The following PDZD9 variants were observed in gnomAD, a reference collection of about 807,000 sequenced individuals.
PDZD9 encodes the protein PDZ domain containing 9.
Under a neutral mutation model 16.3 loss-of-function variants are expected in PDZD9, and 13 were observed. The observed-to-expected ratio is 0.80, with a 90% CI of 0.52 to 1.27. The LOEUF is 1.27. Among genes scored for constraint, PDZD9 ranks in the 50% most tolerant of loss-of-function variants. PDZD9 has a pLI of 0.00. For missense variants in PDZD9, 288 were observed against 310.9 expected, an observed-to-expected ratio of 0.93 and a Z score of 0.55; for synonymous variants, 120 against 111.0, an observed-to-expected ratio of 1.08 and a Z score of -0.51.
At chr16:21,995,625 T>C (rs1567489583) in intron 2 of PDZD9, among the ~76,000 whole-genome samples, 2 of 151,772 alleles carry the variant, frequency 1.3e-5, no homozygotes, top group Non-Finnish European at 2.9e-5. Context: ...TGAGACAGAG[T>C]CTCACTCTGT....
the PDZD9 span, among the ~76,000 whole-genome samples, chr16:21,965,183 T>A: frequency 6.6e-6 from 1 of 152,224 alleles, no homozygotes; most frequent in African/African-American, 2.4e-5. Context: ...GACTCCAGTA[T>A]ATAGAAGCTG....
At chr16:21,987,359 G>A (rs561739186) in intron 3 of PDZD9, among the ~76,000 whole-genome samples, 1 of 152,118 alleles carries the variant, frequency 6.6e-6, no homozygotes, top group Non-Finnish European at 1.5e-5. Context: ...GGCAGAGGTT[G>A]CAGTGAGCCA....
downstream of PDZD9, among the ~76,000 whole-genome samples, chr16:21,979,306 C>T (rs1898658475): frequency 6.6e-6 from 1 of 152,170 alleles, no homozygotes; most frequent in South Asian, 2.1e-4. Flanking sequence ...TATAATTTTT[C>T]AACTTGACTA....
the PDZD9 span, among the ~76,000 whole-genome samples, chr16:21,964,870 C>T: frequency 6.6e-6 from 1 of 152,154 alleles, no homozygotes; most frequent in Admixed American, 6.5e-5. Flanking sequence ...AGGTAATGAG[C>T]AACTGAAGGA....
chr16:21,967,389 A>G, the PDZD9 span, among the ~76,000 whole-genome samples: 1 of 151,748 alleles, frequency 6.6e-6, no homozygotes, highest in South Asian at 2.1e-4. Context: ...AATACCACAG[A>G]TAGAGTTTAT....
chr16:21,978,975 C>T (rs2141947802), downstream of PDZD9, among the ~76,000 whole-genome samples: 1 of 152,194 alleles, frequency 6.6e-6, no homozygotes, highest in African/African-American at 2.4e-5. Flanking sequence ...TGCCAAAACT[C>T]ACAGGTAATA....
intron 2 of PDZD9, among the ~76,000 whole-genome samples, chr16:21,990,779 A>T (rs931423675): frequency 6.6e-6 from 1 of 152,352 alleles, no homozygotes; most frequent in East Asian, 1.9e-4. Context: ...TGTGACTTTT[A>T]TCAAGAGGGC....
the PDZD9 span, among the ~76,000 whole-genome samples, chr16:21,969,793 A>G: frequency 2.3e-4 from 35 of 152,026 alleles, no homozygotes; most frequent in African/African-American, 6.7e-4. Flanking sequence ...TCATCCCCCC[A>G]AAAGCCCCAT....
At chr16:22,000,372 C>T (rs1214503385) in intron 1 of PDZD9, among the ~76,000 whole-genome samples, 1 of 138,562 alleles carries the variant, frequency 7.2e-6, no homozygotes, top group Non-Finnish European at 1.5e-5. Context: ...AAAAAAAAAA[C>T]GCTGTAAAAA....
chr16:22,001,018 T>A lies in PDZD9; in HGVS notation c.30A>T (p.Lys10Asn), dbSNP rs1477366316. The change falls in exon 1 of 4, where the codon AAA (lysine) becomes AAT (asparagine). Residue 10 changes from lysine to asparagine, a missense_variant and splice_region_variant. Physicochemically the swap from Lys to Asn is moderately conservative, Grantham distance 94 (BLOSUM62 0). Transcript: ENST00000424898. ...ACCCGCTTCCTTCTCCCCAGTTACCTTTTTTGTTTTTGTGGGAGGCCTTCT... is the reference window on the plus strand; with the variant it reads ...ACCCGCTTCCTTCTCCCCAGTTACCATTTTTGTTTTTGTGGGAGGCCTTCT... MQKASHKNK[K>N]ERGVSNKVKT... is the part of the protein sequence containing the mutation. The A allele has an allele frequency of 2.6e-6, 4 of 1,532,316 alleles. No homozygotes were observed. The highest frequency in any genetic ancestry group is 1.4e-5 in the African/African-American group (1 of 72,872). The allele number at this position is 1,532,316 out of a possible 1,614,324, so 94.9% of individuals were successfully genotyped here.
At chr16:21,975,867 G>C in the PDZD9 span, among the ~76,000 whole-genome samples, 1 of 152,114 alleles carries the variant, frequency 6.6e-6, no homozygotes, top group African/African-American at 2.4e-5. Flanking sequence ...AAGGTGGGAG[G>C]ATCACTTGAG....
At chr16:21,995,757 C>G (rs901232230) in intron 2 of PDZD9, among the ~76,000 whole-genome samples, 1 of 151,920 alleles carries the variant, frequency 6.6e-6, no homozygotes, top group Non-Finnish European at 1.5e-5. Flanking sequence ...GCCACTAGGC[C>G]CAGCTAATTT....
chr16:21,958,594 A>G, the PDZD9 span: 8 of 1,611,740 alleles, frequency 5.0e-6, no homozygotes, highest in Middle Eastern at 1.6e-4. Flanking sequence ...TTGGTGGCAA[A>G]TTAAGGTTTG....
At chr16:21,972,126 A>C in the PDZD9 span, 1 of 1,611,350 alleles carries the variant, frequency 6.2e-7, no homozygotes, top group East Asian at 2.2e-5. Context: ...ATTTGATGTG[A>C]GTCTGAACAG....
chr16:21,969,749 A>G, the PDZD9 span, among the ~76,000 whole-genome samples: 9 of 152,158 alleles, frequency 5.9e-5, no homozygotes, highest in East Asian at 1.9e-4. Flanking sequence ...AACAGATTCA[A>G]CTATTACCAC....
the PDZD9 span, chr16:21,968,817 A>T: frequency 1.3e-5 from 8 of 630,612 alleles, no homozygotes; most frequent in African/African-American, 3.8e-5. Flanking sequence ...CAGGCAATAT[A>T]TCATAGGATT....
In PDZD9 at chr16:22,001,097, G is replaced by C. The variant is rs1202627517; in HGVS notation, c.-50C>G. 6.8e-7 allele frequency: 1 copy of C among 1,476,566 alleles called. No individual in the cohort carries two copies. The highest frequency in any genetic ancestry group is 2.4e-5 in the Admixed American group (1 of 42,472). 91.5% of individuals were successfully genotyped at this position (1,476,566 alleles called of 1,614,324 possible). On this transcript the variant is annotated 5_prime_UTR_variant, in exon 1 of 4. Coordinates refer to ENST00000424898, the MANE Select transcript of PDZD9 (RefSeq NM_001363519.1). ...GGAGGGCCTCCCGGAGCAGAGGCTG[G>C]AGTCAGTCCCAATGCCAACAGTTTC...
chr16:21,982,194 G>A (rs117005983), downstream of PDZD9, among the ~76,000 whole-genome samples: 1,402 of 151,928 alleles, frequency 9.2e-3, 7 homozygotes, highest in Non-Finnish European at 0.014. Flanking sequence ...CATTATGTGC[G>A]TCCCAACCCG....
intron 3 of PDZD9, among the ~76,000 whole-genome samples, chr16:21,987,293 G>A (rs758268268): frequency 3.9e-5 from 6 of 152,078 alleles, no homozygotes; most frequent in African/African-American, 9.7e-5. Context: ...GTTGGCATGC[G>A]CCTGTAATCC....
Sources: allele counts gnomAD v4.1 joint callset (sites outside exome capture counted in the v4.1 genomes callset), GRCh38; gene constraint gnomAD v4.1.1; transcripts MANE v1.5; gene names NCBI Gene and HGNC (gene_info 2026-07-23, HGNC 2026-07-21).